The following MLPH variants were observed in gnomAD, a reference collection of about 807,000 sequenced individuals.
MLPH encodes the protein exophilin-3.
MLPH carries 51 observed loss-of-function variants against 72.1 expected under a neutral mutation model. The ratio of observed to expected loss-of-function variants is 0.71; its 90% CI spans 0.56 to 0.89. The LOEUF (loss-of-function observed/expected upper bound fraction) is 0.89. Among genes scored for constraint, MLPH ranks in the 40% least tolerant of loss-of-function variants. The pLI is 0.00. For missense variants in MLPH, 743 were observed against 759.9 expected, an observed-to-expected ratio of 0.98 and a Z score of 0.26; for synonymous variants, 301 against 310.1, an observed-to-expected ratio of 0.97 and a Z score of 0.31.
intron 15 of MLPH, chr2:237,553,267 G>C (rs570110410): frequency 7.4e-6 from 4 of 543,726 alleles, no homozygotes; most frequent in South Asian, 1.8e-5. Context: ...CAGTGGAAAG[G>C]GGGTATAGCA....
chr2:237,510,319 A>T lies in MLPH; in HGVS notation c.111-255A>T. The stretch of plus-strand genomic sequence containing the variant: ...ACAGCCACAGAAATGCTTAAATGCA[A>T]TATCATTTCTATGAAATTAACGTGT... On this transcript the variant is annotated intron_variant, in intron 2 of 15. Coordinates refer to ENST00000264605, the MANE Select transcript of MLPH (RefSeq NM_024101.7). This position sits in a 1 kb window ranked among gnomAD's most constrained non-coding sequence, Gnocchi z 4.4. 5.4e-6 allele frequency: 3 copies of T among 557,488 alleles called. No individual in the cohort carries two copies. In the South Asian group the frequency reaches 6.1e-5, roughly 11 times the overall value. The allele number at this position is 557,488 out of a possible 1,614,324, so 34.5% of individuals were successfully genotyped here.
chr2:237,516,897 T>G (rs56919651), intron 4 of MLPH, among the ~76,000 whole-genome samples: 4 of 88,484 alleles, frequency 4.5e-5, no homozygotes, highest in East Asian at 3.1e-4. Flanking sequence ...GGATGGATGG[T>G]AGGATGGATG....
rs562541534 is a variant in MLPH, at chr2:237,546,774, G to A, written c.1617+91G>A. The stretch of plus-strand genomic sequence containing the variant: ...AGTGTGGCAAGTCCACGGGGTGGCA[G>A]AGATGCAATGTCCTCACAGCTACCC... On this transcript the variant is annotated intron_variant, in intron 13 of 15. Transcript: ENST00000264605. 2.9e-6 allele frequency: 3 copies of A among 1,039,206 alleles called. No individual in the cohort carries two copies. In the Admixed American group the frequency reaches 5.1e-5, roughly 18 times the overall value. The allele number at this position is 1,039,206 out of a possible 1,614,324, so 64.4% of individuals were successfully genotyped here.
rs528456069 is a variant in MLPH at position 237,506,510 on chromosome 2, A to G, written c.111-4064A>G. 2.9e-3 allele frequency among the ~76,000 whole-genome samples: 446 copies of G among 152,098 alleles called. 2 individuals are homozygous for G. Among genetic ancestry groups the G allele is most frequent in the Non-Finnish European group, 4.7e-3 (318 of 67,992 alleles). ...TTCCTGTCCCTTTTAAGGGCTTACA[A>G]CTCTAAGGGGGTTCATGTGAGAGGG... On this transcript the variant is annotated intron_variant, in intron 2 of 15. Transcript: ENST00000264605.
intron 5 of MLPH, 140 bp from the exon 6 acceptor site, chr2:237,519,770 G>A: frequency 1.6e-6 from 2 of 1,228,234 alleles, no homozygotes; most frequent in African/African-American, 1.5e-5. Flanking sequence ...TGTTCCTAGT[G>A]GAGGGGGTGG....
At position 237,527,462 on chromosome 2, in the gene MLPH, C is replaced by T. The variant is rs75980625; in HGVS notation, c.966C>T (p.His322=). ...DTSDEESIRA[H]VMASHHSKRR... ...CTGATGAGGAAAGCATCCGGGCTCA[C>T]GTGATGGCCTCCCACCATTCCAAGC... is the stretch of plus-strand genomic sequence containing the variant. The change falls in exon 8 of 16, where the codon CAC becomes CAT. Residue 322 remains histidine, a synonymous_variant. Transcript: ENST00000264605. 1.8e-3 allele frequency: 2,834 copies of T among 1,614,190 alleles called. 38 individuals are homozygous for T. Among genetic ancestry groups the T allele is most frequent in the East Asian group, 9.3e-3 (418 of 44,886 alleles).
At chr2:237,529,745 C>A (rs1416265843) in intron 8 of MLPH, among the ~76,000 whole-genome samples, 1 of 152,188 alleles carries the variant, frequency 6.6e-6, no homozygotes, top group African/African-American at 2.4e-5. Flanking sequence ...TGAATGGAGA[C>A]CGGAACCGCA....
rs539378564 is a variant in MLPH at position 237,492,117 on chromosome 2, C to T, written c.-24-1286C>T. Among the ~76,000 whole-genome samples, 6 of 152,280 alleles carry T rather than the reference C, an allele frequency of 3.9e-5. No homozygotes were observed. In the South Asian group the frequency reaches 1.0e-3, roughly 26 times the overall value. On this transcript the variant is annotated intron_variant, in intron 1 of 15. Coordinates refer to ENST00000264605, the MANE Select transcript of MLPH (RefSeq NM_024101.7). Reference sequence around the variant, plus strand: ...GTTCCCAGGGGATGCTGCCAGTCCACGAACCACATTTTGAGTAGCAAGCAA... The same window carrying T: ...GTTCCCAGGGGATGCTGCCAGTCCATGAACCACATTTTGAGTAGCAAGCAA...
At chr2:237,545,663 C>T in intron 12 of MLPH, 1 of 1,249,556 alleles carries the variant, frequency 8.0e-7, no homozygotes, top group Admixed American at 2.8e-5. Flanking sequence ...CAACATCCTC[C>T]TCTCCTGATC....
At chr2:237,494,345 A>T (rs1002035036) in intron 2 of MLPH, among the ~76,000 whole-genome samples, 4 of 151,742 alleles carry the variant, frequency 2.6e-5, no homozygotes, top group African/African-American at 9.7e-5. Context: ...CAGGCTGGCG[A>T]GGCTGGAGTG....
intron 1 of MLPH, among the ~76,000 whole-genome samples, chr2:237,492,829 C>G (rs1266599300): frequency 6.6e-6 from 1 of 152,188 alleles, no homozygotes; most frequent in Admixed American, 6.5e-5. Flanking sequence ...GTGAAACCTT[C>G]CAAGTGCTGT....
At chr2:237,548,830 G>C (rs10181753) in intron 13 of MLPH, among the ~76,000 whole-genome samples, 6,077 of 152,266 alleles carry the variant, frequency 0.04, 424 homozygotes, top group African/African-American at 0.14. Context: ...AGTGAGCCGC[G>C]ATCGCACCAC....
chr2:237,511,852 A>C (rs569601930), intron 4 of MLPH, among the ~76,000 whole-genome samples: 1 of 152,180 alleles, frequency 6.6e-6, no homozygotes, highest in Non-Finnish European at 1.5e-5. Context: ...TTTGGAAGAG[A>C]TCTTTTCAGG....
chr2:237,506,910 T>C (rs1237968893), intron 2 of MLPH, among the ~76,000 whole-genome samples: 1 of 152,182 alleles, frequency 6.6e-6, no homozygotes, highest in African/African-American at 2.4e-5. Flanking sequence ...TAGGCTGTAG[T>C]ATTTGAAGAA....
intron 2 of MLPH, among the ~76,000 whole-genome samples, chr2:237,506,968 A>G (rs2079785950): frequency 6.6e-6 from 1 of 151,868 alleles, no homozygotes; most frequent in African/African-American, 2.4e-5. Flanking sequence ...GTACTTGAAT[A>G]GCCTTTGTAG....
At chr2:237,509,774 G>GGACT (rs930054618) in intron 2 of MLPH, among the ~76,000 whole-genome samples, 1 of 152,026 alleles carries the variant, frequency 6.6e-6, no homozygotes, top group African/African-American at 2.4e-5. Flanking sequence ...CTGCCTGGTG[G>GGACT]GACTCCTCCA....
At chr2:237,527,709 A>G in intron 8 of MLPH, 193 bp downstream of exon 8, 1 of 719,568 alleles carries the variant, frequency 1.4e-6, no homozygotes, top group Non-Finnish European at 2.3e-6. Context: ...AAAATTAACC[A>G]TCTTAGTATG....
intron 9 of MLPH, among the ~76,000 whole-genome samples, chr2:237,539,792 A>C (rs900166531): frequency 5.3e-5 from 8 of 152,360 alleles, no homozygotes; most frequent in Non-Finnish European, 8.8e-5. Context: ...GCCGAAGGTC[A>C]CATGGCCTGA....
chr2:237,514,617 C>T (rs2079975281), intron 4 of MLPH, among the ~76,000 whole-genome samples: 1 of 152,196 alleles, frequency 6.6e-6, no homozygotes, highest in Non-Finnish European at 1.5e-5. Flanking sequence ...TCTGAGGCTG[C>T]TGCTGAGGCC....
Sources: allele counts gnomAD v4.1 joint callset (sites outside exome capture counted in the v4.1 genomes callset), GRCh38; gene constraint gnomAD v4.1.1; non-coding constraint Gnocchi (gnomAD v3.1); transcripts MANE v1.5; gene names NCBI Gene and HGNC (gene_info 2026-07-23, HGNC 2026-07-21).